The following PLA1A variants were observed in gnomAD, a reference collection of about 807,000 sequenced individuals.
PLA1A encodes phosphatidylserine-specific phospholipase A1alpha.
In PLA1A, 47 loss-of-function variants were observed where a neutral mutation model predicts 49.4. That is an observed-to-expected ratio of 0.95 (90% CI 0.75 to 1.21). The LOEUF is 1.21. Ranked by LOEUF, PLA1A falls within the 50% of genes most tolerant of loss-of-function variation. The pLI is 0.00. For missense variants in PLA1A, 561 were observed against 563.9 expected, an observed-to-expected ratio of 0.99 and a Z score of 0.05; for synonymous variants, 224 against 207.9, an observed-to-expected ratio of 1.08 and a Z score of -0.67.
intron 2 of PLA1A, among the ~76,000 whole-genome samples, chr3:119,608,275 AGAAAGAAAGAAAG>A (rs2082719840): frequency 6.6e-6 from 1 of 151,674 alleles, no homozygotes; most frequent in Non-Finnish European, 1.5e-5. Flanking sequence ...AAAGAAAGAA[AGAAAGAAAGAAAG>A]AAAGAAAGAA....
At chr3:119,613,481 G>T (rs1308075221) in intron 5 of PLA1A, among the ~76,000 whole-genome samples, 1 of 152,236 alleles carries the variant, frequency 6.6e-6, no homozygotes. Context: ...GATTTTTTAG[G>T]ATGGGTGTGC....
At chr3:119,623,554 T>G (rs891052663) in intron 8 of PLA1A, among the ~76,000 whole-genome samples, 2 of 152,070 alleles carry the variant, frequency 1.3e-5, no homozygotes, top group African/African-American at 2.4e-5. Flanking sequence ...CTTTGAGAGC[T>G]CCAGTGTCCA....
Position 119,629,497 on chromosome 3 carries a change from CAT to C in PLA1A, c.*30_*31del. 1.1e-6 allele frequency: 1 copy of C among 892,956 alleles called. No individual in the cohort carries two copies. The highest frequency in any genetic ancestry group is 2.7e-5 in the Admixed American group (1 of 37,396). The allele number at this position is 892,956 out of a possible 1,614,324, so 55.3% of individuals were successfully genotyped here. Reference sequence around the variant, plus strand: ...AACCTGGGCAGGACACATCTCCCTGCATTTTTTTTTTTTTTTTGAGAGAGAGG... The same window carrying C: ...AACCTGGGCAGGACACATCTCCCTGCTTTTTTTTTTTTTTTGAGAGAGAGG... On this transcript the variant is annotated 3_prime_UTR_variant, in exon 11 of 11. Coordinates refer to ENST00000273371, the MANE Select transcript of PLA1A (RefSeq NM_015900.4).
chr3:119,613,753 C>T (rs1035652906), intron 5 of PLA1A, among the ~76,000 whole-genome samples: 44 of 152,080 alleles, frequency 2.9e-4, no homozygotes, highest in Admixed American at 1.2e-3. Context: ...ATTAGCCGGG[C>T]GTGGTGGCGG....
chr3:119,616,670 T>C (rs988321034), intron 6 of PLA1A, among the ~76,000 whole-genome samples: 5 of 152,258 alleles, frequency 3.3e-5, no homozygotes, highest in Non-Finnish European at 5.9e-5. Context: ...ACTATGTTTT[T>C]AGTCTTTTCT....
At chr3:119,601,200 C>T (rs928436221) in intron 1 of PLA1A, among the ~76,000 whole-genome samples, 4 of 152,192 alleles carry the variant, frequency 2.6e-5, no homozygotes, top group South Asian at 2.1e-4. Flanking sequence ...AACACTTCTA[C>T]GAAACAAAAG....
At chr3:119,607,459 C>A (rs1204065005) in intron 2 of PLA1A, among the ~76,000 whole-genome samples, 1 of 152,234 alleles carries the variant, frequency 6.6e-6, no homozygotes, top group Non-Finnish European at 1.5e-5. Context: ...AATCACCATC[C>A]TTTCTTTGAA....
intron 4 of PLA1A, 48 bp downstream of exon 4, chr3:119,609,624 C>T (rs375708087): frequency 4.7e-6 from 5 of 1,058,694 alleles, no homozygotes; most frequent in Admixed American, 1.8e-5. Flanking sequence ...ATAGAGAAAG[C>T]TTGCCCTGAA....
chr3:119,616,935 G>A (rs1022084497), intron 6 of PLA1A, among the ~76,000 whole-genome samples: 2 of 152,208 alleles, frequency 1.3e-5, no homozygotes, highest in Non-Finnish European at 2.9e-5. Flanking sequence ...CTCTGCCCCA[G>A]CTCCCTGTTG....
intron 8 of PLA1A, among the ~76,000 whole-genome samples, chr3:119,623,572 CA>C (rs1329061749): frequency 8.5e-5 from 13 of 152,136 alleles, no homozygotes; most frequent in Admixed American, 6.5e-4. Context: ...CCATGCTGCT[CA>C]AGGGAGAGTC....
intron 1 of PLA1A, among the ~76,000 whole-genome samples, 176 bp downstream of exon 1, chr3:119,598,162 A>G (rs529666653): frequency 2.4e-4 from 37 of 152,282 alleles, no homozygotes; most frequent in Admixed American, 2.2e-3. Context: ...AATGATGGTA[A>G]ACAGGTCACA....
At chr3:119,602,283 C>G (rs2082627202) in intron 1 of PLA1A, among the ~76,000 whole-genome samples, 1 of 152,144 alleles carries the variant, frequency 6.6e-6, no homozygotes, top group Admixed American at 6.5e-5. Flanking sequence ...TTAGACTTTT[C>G]TGAGGGATAG....
intron 10 of PLA1A, 57 bp from the exon 11 acceptor site, chr3:119,629,327 A>T: frequency 1.0e-6 from 1 of 982,836 alleles, no homozygotes; most frequent in Non-Finnish European, 1.7e-6. Context: ...AAAGCCACAC[A>T]ATGCCAAGCC....
chr3:119,608,253 A>AAAG (rs1195420204), intron 2 of PLA1A, among the ~76,000 whole-genome samples: 7 of 125,262 alleles, frequency 5.6e-5, no homozygotes, highest in East Asian at 4.5e-4. Flanking sequence ...AGAAAGAAAG[A>AAAG]AAGAAAGAAA....
At chr3:119,605,541 G>A (rs868734263) in intron 1 of PLA1A, among the ~76,000 whole-genome samples, 2 of 152,218 alleles carry the variant, frequency 1.3e-5, no homozygotes, top group African/African-American at 4.8e-5. Context: ...CACACAAACC[G>A]AAGTCTGCAA....
chr3:119,625,490 A>G lies in PLA1A; in HGVS notation c.1121+258A>G, dbSNP rs6781802. Among the ~76,000 whole-genome samples, 2,015 of 152,282 alleles carry G rather than the reference A, an allele frequency of 0.013. 34 individuals are homozygous for G. Among genetic ancestry groups the G allele is most frequent in the African/African-American group, 0.045 (1,888 of 41,554 alleles). On this transcript the variant is annotated intron_variant, in intron 9 of 10. Transcript: ENST00000273371. ...CAGCAGGGATGGCATGTCCCAACAG[A>G]TGGAGAGGACATAGGAATCAGGTCC...
rs4688019 is a variant in PLA1A, at chr3:119,605,916, T to C, written c.74-858T>C. Among the ~76,000 whole-genome samples the C allele has an allele frequency of 4.7e-3, 719 of 152,354 alleles. 4 individuals are homozygous for C. The highest frequency in any genetic ancestry group is 0.015 in the South Asian group (71 of 4,820). On this transcript the variant is annotated intron_variant, in intron 1 of 10. Transcript: ENST00000273371. The stretch of plus-strand genomic sequence containing the variant: ...CTTGTCAAGGCTCTTCTCTGTCATC[T>C]ATCTAGGCTATGGGCTGGGCACTGG...
chr3:119,604,020 C>T (rs966351696), intron 1 of PLA1A, among the ~76,000 whole-genome samples: 6 of 152,296 alleles, frequency 3.9e-5, no homozygotes, highest in Middle Eastern at 3.4e-3. Context: ...GCTGTTTTAG[C>T]CACTCTTTGC....
rs556688137 is a variant in PLA1A, at chr3:119,625,447, G to A, written c.1121+215G>A. On this transcript the variant is annotated intron_variant, in intron 9 of 10. Coordinates refer to ENST00000273371, the MANE Select transcript of PLA1A (RefSeq NM_015900.4). ...CCAAGTATAGCAGATTCAGATGAGA[G>A]TAGGCAGGGCAAGCAGGCAGCAGGG... is the stretch of plus-strand genomic sequence containing the variant. 4.6e-5 allele frequency among the ~76,000 whole-genome samples: 7 copies of A among 152,278 alleles called. No homozygotes were observed. The South Asian group carries it at 1.5e-3, about 32-fold the overall frequency.
Sources: gnomAD v4.1 joint callset for allele counts (sites outside exome capture counted in the v4.1 genomes callset) on GRCh38, gnomAD v4.1.1 for gene constraint, MANE v1.5 for transcripts, NCBI Gene and HGNC (gene_info 2026-07-23, HGNC 2026-07-21) for gene names.